GTF2IRD1: variants seen among roughly 807,000 people sequenced by gnomAD.
GTF2IRD1 encodes the protein general transcription factor II-I repeat domain-containing protein 1.
In GTF2IRD1, 26 loss-of-function variants were observed where a neutral mutation model predicts 113.2. The ratio of observed to expected loss-of-function variants is 0.23; its 90% CI spans 0.17 to 0.32. GTF2IRD1 has a LOEUF of 0.32. Among genes scored for constraint, GTF2IRD1 ranks in the 10% least tolerant of loss-of-function variants. The pLI is 1.00. For synonymous variants in GTF2IRD1, 484 were observed against 529.1 expected, an observed-to-expected ratio of 0.91 and a Z score of 1.17; for missense variants, 864 against 1,280.8, an observed-to-expected ratio of 0.67 and a Z score of 4.97.
intron 22 of GTF2IRD1, among the ~76,000 whole-genome samples, chr7:74,588,416 A>G (rs1372923332): frequency 3.3e-5 from 5 of 151,622 alleles, no homozygotes; most frequent in African/African-American, 1.2e-4. Context: ...CCAACACAAG[A>G]TCTTTCACGC....
intron 1 of GTF2IRD1, among the ~76,000 whole-genome samples, chr7:74,458,955 G>A (rs1019974932): frequency 8.6e-5 from 13 of 151,644 alleles, no homozygotes; most frequent in Admixed American, 7.9e-4. Context: ...CCCCAGGCCC[G>A]GCCTCATCAT....
At chr7:74,511,429 C>T (rs1554342946) in intron 2 of GTF2IRD1, among the ~76,000 whole-genome samples, 1 of 152,194 alleles carries the variant, frequency 6.6e-6, no homozygotes, top group Non-Finnish European at 1.5e-5. Context: ...TGAAGCAGCT[C>T]TTTCAGCTGT....
chr7:74,559,000 G>A lies in GTF2IRD1; in HGVS notation c.2247G>A (p.Glu749=). The change falls in exon 21 of 27, where the codon GAG becomes GAA. Residue 749 remains glutamate (E), a synonymous_variant. Coordinates refer to ENST00000424337, the MANE Select transcript of GTF2IRD1 (RefSeq NM_005685.4). ...KPCTFGSQNL[E]RILAVADKIK... ...GTACCTTCGGCTCCCAGAACCTGGA[G>A]AGGATTCTTGCTGTGGCTGACAAGA... 1 of 1,614,112 alleles carries A rather than the reference G, an allele frequency of 6.2e-7. No homozygotes were observed. The highest frequency in any genetic ancestry group is 1.3e-5 in the African/African-American group (1 of 75,058).
At chr7:74,521,897 C>T (rs374461496) in intron 7 of GTF2IRD1, among the ~76,000 whole-genome samples, 18 of 152,280 alleles carry the variant, frequency 1.2e-4, no homozygotes, top group East Asian at 7.7e-4. Context: ...CAGGGTCTTT[C>T]ATGAGGATGC....
At chr7:74,600,895 G>C (rs1194455900) in intron 25 of GTF2IRD1, 149 bp from the exon 26 acceptor site, 9 of 769,602 alleles carry the variant, frequency 1.2e-5, no homozygotes, top group Non-Finnish European at 1.9e-5. Context: ...CTCTGGACAG[G>C]TGGGCCCTGA....
chr7:74,528,925 G>GGACA (rs1797789255), intron 8 of GTF2IRD1, among the ~76,000 whole-genome samples: 1 of 146,754 alleles, frequency 6.8e-6, no homozygotes, highest in African/African-American at 2.5e-5. Flanking sequence ...ATGGATGGAC[G>GGACA]GACAACCGGG....
chr7:74,593,007 G>A (rs782691913), intron 24 of GTF2IRD1, among the ~76,000 whole-genome samples: 7 of 151,200 alleles, frequency 4.6e-5, no homozygotes, highest in Non-Finnish European at 1.0e-4. Context: ...ACAGGTGCCC[G>A]CCACCACACC....
At chr7:74,497,376 G>A (rs1442358606) in intron 1 of GTF2IRD1, among the ~76,000 whole-genome samples, 4 of 151,948 alleles carry the variant, frequency 2.6e-5, no homozygotes, top group Non-Finnish European at 4.4e-5. Flanking sequence ...CCATCCTCCC[G>A]CCTCAGCTTC....
chr7:74,597,260 T>G (rs1197762651), intron 25 of GTF2IRD1, among the ~76,000 whole-genome samples: 2 of 151,810 alleles, frequency 1.3e-5, no homozygotes, highest in Non-Finnish European at 2.9e-5. Context: ...GCCAGGCTGG[T>G]CTCGAACTCC....
chr7:74,498,069 A>G (rs1795829350), intron 1 of GTF2IRD1, among the ~76,000 whole-genome samples: 1 of 151,830 alleles, frequency 6.6e-6, no homozygotes, highest in South Asian at 2.1e-4. Flanking sequence ...GCATTTTGCT[A>G]ATCTTTAGTG....
At chr7:74,488,796 G>T (rs782724896) in intron 1 of GTF2IRD1, among the ~76,000 whole-genome samples, 1 of 151,462 alleles carries the variant, frequency 6.6e-6, no homozygotes, top group African/African-American at 2.4e-5. Flanking sequence ...CTAGTCCTGG[G>T]GGGGTAAAAA....
At chr7:74,553,462 A>T (rs1221859732) in intron 17 of GTF2IRD1, among the ~76,000 whole-genome samples, 3 of 151,644 alleles carry the variant, frequency 2.0e-5, no homozygotes, top group Non-Finnish European at 4.4e-5. Context: ...TAATTTTTAC[A>T]TTTTTTGTAG....
chr7:74,480,363 C>A (rs1167300961), intron 1 of GTF2IRD1, among the ~76,000 whole-genome samples: 1 of 152,164 alleles, frequency 6.6e-6, no homozygotes, highest in Non-Finnish European at 1.5e-5. Context: ...ACATGTGGAT[C>A]TGTGAGCCTG....
chr7:74,480,858 G>A (rs1584487303), intron 1 of GTF2IRD1, among the ~76,000 whole-genome samples: 1 of 152,300 alleles, frequency 6.6e-6, no homozygotes, highest in African/African-American at 2.4e-5. Context: ...CGAGCTGAGA[G>A]GAGACAGCCC....
chr7:74,529,979 G>T, intron 9 of GTF2IRD1, 62 bp downstream of exon 9: 1 of 1,318,708 alleles, frequency 7.6e-7, no homozygotes. Context: ...GGAGGCCAAG[G>T]CAGGCAGATC....
chr7:74,569,459 G>T (rs587749670), intron 22 of GTF2IRD1, among the ~76,000 whole-genome samples: 1 of 152,196 alleles, frequency 6.6e-6, no homozygotes, highest in African/African-American at 2.4e-5. Flanking sequence ...TGGCCAGGTG[G>T]GGTTGTGCAG....
intron 22 of GTF2IRD1, among the ~76,000 whole-genome samples, chr7:74,566,608 C>CTT (rs1800335300): frequency 6.6e-6 from 1 of 152,202 alleles, no homozygotes; most frequent in African/African-American, 2.4e-5. Flanking sequence ...TCCCAAACTG[C>CTT]TGGGATTACA....
chr7:74,532,193 C>T (rs1798000951), intron 9 of GTF2IRD1, among the ~76,000 whole-genome samples: 1 of 152,076 alleles, frequency 6.6e-6, no homozygotes, highest in African/African-American at 2.4e-5. Flanking sequence ...GTGTAAGTCC[C>T]TGATGCTGTC....
chr7:74,601,334 C>A, intron 26 of GTF2IRD1, 154 bp downstream of exon 26: 2 of 1,535,960 alleles, frequency 1.3e-6, no homozygotes, highest in South Asian at 1.2e-5. Context: ...ATAGATGCAT[C>A]CACCTGTCTC....
Sources: gnomAD v4.1 joint callset for allele counts (sites outside exome capture counted in the v4.1 genomes callset) on GRCh38, gnomAD v4.1.1 for gene constraint, MANE v1.5 for transcripts, NCBI Gene and HGNC (gene_info 2026-07-23, HGNC 2026-07-21) for gene names.